The following SYT1 variants were observed in gnomAD, a reference collection of about 807,000 sequenced individuals.
SYT1 encodes synaptotagmin 1.
A neutral mutation model predicts 44.8 loss-of-function variants in SYT1; 8 were observed. That is an observed-to-expected ratio of 0.18 (90% confidence interval 0.10 to 0.32). SYT1 has a LOEUF of 0.32. SYT1 is among the 10% of genes least tolerant of loss of function. The probability of loss-of-function intolerance (pLI) is 1.00; values close to 1 mark genes in which losing one functional copy is unlikely to be tolerated. For missense variants in SYT1, 286 were observed against 509.3 expected, an observed-to-expected ratio of 0.56 and a Z score of 4.22; for synonymous variants, 154 against 188.8, an observed-to-expected ratio of 0.82 and a Z score of 1.51.
rs765758260 is a variant in SYT1 at position 79,285,955 on chromosome 12, A to G, written c.335A>G (p.Lys112Arg). 1.2e-6 allele frequency: 2 copies of G among 1,606,184 alleles called. No individual in the cohort carries two copies. Among genetic ancestry groups the G allele is most frequent in the Non-Finnish European group, 1.7e-6 (2 of 1,178,488 alleles). The change falls in exon 5 of 11, where the codon AAG (lysine) becomes AGG (arginine). Residue 112 changes from lysine to arginine, a missense_variant. Around this residue, in one of 6 missense-constraint regions of SYT1, gnomAD observed 141 missense variants for 165.7 expected, o/e 0.85. Coordinates refer to ENST00000261205, the MANE Select transcript of SYT1 (RefSeq NM_005639.3). Reference sequence around the variant, plus strand: ...ATGAAAGATGTAAAAGACTTAGGGAAGACGATGAAAGATCAGGTAATGTAT... The same window carrying G: ...ATGAAAGATGTAAAAGACTTAGGGAGGACGATGAAAGATCAGGTAATGTAT... ...INMKDVKDLG[K>R]TMKDQALKDD... is the part of the protein sequence containing the mutation.
chr12:79,378,257 G>A (rs1280938543), intron 9 of SYT1, among the ~76,000 whole-genome samples: 2 of 152,168 alleles, frequency 1.3e-5, no homozygotes, highest in African/African-American at 2.4e-5. Flanking sequence ...CCAGTTTACA[G>A]ATGTGTGCCT....
intron 3 of SYT1, among the ~76,000 whole-genome samples, chr12:79,211,560 A>G (rs1565857472): frequency 6.6e-6 from 1 of 151,498 alleles, no homozygotes; most frequent in Non-Finnish European, 1.5e-5. Flanking sequence ...ATCTAGCATT[A>G]GGTATATCTC....
chr12:78,928,377 C>A (rs1236259334), intron 1 of SYT1, among the ~76,000 whole-genome samples: 1 of 152,160 alleles, frequency 6.6e-6, no homozygotes, highest in Non-Finnish European at 1.5e-5. Flanking sequence ...AGTATGACAG[C>A]AAAGCTTGCA....
At chr12:79,344,521 C>T (rs1184235507) in intron 8 of SYT1, among the ~76,000 whole-genome samples, 2 of 152,164 alleles carry the variant, frequency 1.3e-5, no homozygotes, top group East Asian at 1.9e-4. Context: ...GGCACGATCT[C>T]TGCCCACTGC....
chr12:79,416,425 T>C (rs1345849876), intron 9 of SYT1, among the ~76,000 whole-genome samples: 3 of 152,188 alleles, frequency 2.0e-5, no homozygotes, highest in African/African-American at 4.8e-5. Context: ...CTTATTGGCA[T>C]TAACATTTTG....
chr12:79,401,639 GATA>G lies in SYT1; in HGVS notation c.929-42428_929-42426del, dbSNP rs762524733. Among the ~76,000 whole-genome samples the G allele has an allele frequency of 6.0e-4, 90 of 151,062 alleles. 1 individual carries two copies. Among genetic ancestry groups the G allele is most frequent in the African/African-American group, 1.9e-3 (80 of 41,206 alleles). Reference sequence around the variant, plus strand: ...TACCACATGGAAGAATGATATTAAAGATAATAATTAAAACTCAACAAAACTCAA... The same window carrying G: ...TACCACATGGAAGAATGATATTAAAGATAATTAAAACTCAACAAAACTCAA... On this transcript the variant is annotated intron_variant, in intron 9 of 10. Coordinates refer to ENST00000261205, the MANE Select transcript of SYT1 (RefSeq NM_005639.3).
intron 3 of SYT1, among the ~76,000 whole-genome samples, chr12:79,215,325 T>C (rs1874717155): frequency 6.6e-6 from 1 of 152,150 alleles, no homozygotes. Context: ...AATTGAACAA[T>C]GGAGCAATGG....
At chr12:79,088,546 G>C (rs924795782) in intron 3 of SYT1, among the ~76,000 whole-genome samples, 1 of 151,820 alleles carries the variant, frequency 6.6e-6, no homozygotes. Flanking sequence ...AGACTTGCTG[G>C]AGGAGGGAAA....
At position 78,993,159 on chromosome 12, in the gene SYT1, T is replaced by C. The variant is rs532051370; in HGVS notation, c.-84+15228T>C. Among the ~76,000 whole-genome samples, 12 of 152,298 alleles carry C rather than the reference T, an allele frequency of 7.9e-5. No homozygotes were observed. In the East Asian group the frequency reaches 9.7e-4, roughly 12 times the overall value. On this transcript the variant is annotated intron_variant, in intron 2 of 10. Coordinates refer to ENST00000261205, the MANE Select transcript of SYT1 (RefSeq NM_005639.3). ...TTTATCTGTTTTATAAAACAGAATA[T>C]GAAACTGTCAGGCCTAAATTATCCT...
At chr12:78,994,534 AT>A (rs1158976321) in intron 2 of SYT1, among the ~76,000 whole-genome samples, 3,702 of 55,578 alleles carry the variant, frequency 0.067, 80 homozygotes, top group African/African-American at 0.23. Flanking sequence ...TGTTCTGAGG[AT>A]TTTTTTTTTT....
chr12:79,385,828 G>A (rs1884414952), intron 9 of SYT1, among the ~76,000 whole-genome samples: 1 of 152,128 alleles, frequency 6.6e-6, no homozygotes, highest in Non-Finnish European at 1.5e-5. Context: ...TGCCACTGGT[G>A]TCTTAGGTGA....
intron 8 of SYT1, among the ~76,000 whole-genome samples, chr12:79,331,892 A>G (rs1332749827): frequency 1.3e-5 from 2 of 152,174 alleles, no homozygotes; most frequent in African/African-American, 4.8e-5. Flanking sequence ...CAATGTATGG[A>G]TCATTTTTCT....
chr12:78,954,267 T>C (rs76693267), intron 1 of SYT1, among the ~76,000 whole-genome samples: 1,553 of 152,256 alleles, frequency 0.01, 28 homozygotes, highest in African/African-American at 0.034. Context: ...GAAGTCACCT[T>C]GACCATGAAA....
intron 3 of SYT1, among the ~76,000 whole-genome samples, chr12:79,168,095 C>T (rs1485684105): frequency 6.6e-6 from 1 of 152,038 alleles, no homozygotes; most frequent in African/African-American, 2.4e-5. Context: ...GGTACCCATC[C>T]CTGGCAGGAG....
chr12:79,304,164 T>C (rs755401196), intron 8 of SYT1, among the ~76,000 whole-genome samples: 3 of 152,204 alleles, frequency 2.0e-5, no homozygotes, highest in Non-Finnish European at 4.4e-5. Context: ...GCAGCAACCA[T>C]GTCTATGGTT....
At chr12:78,964,861 A>G (rs1425858188) in intron 1 of SYT1, among the ~76,000 whole-genome samples, 1 of 152,170 alleles carries the variant, frequency 6.6e-6, no homozygotes, top group Non-Finnish European at 1.5e-5. Flanking sequence ...AGAAAGAAAG[A>G]TACAACCTCT....
intron 3 of SYT1, among the ~76,000 whole-genome samples, chr12:79,101,869 G>A (rs1341382354): frequency 1.3e-5 from 2 of 152,060 alleles, no homozygotes; most frequent in African/African-American, 4.8e-5. Flanking sequence ...TCATGCCACT[G>A]CATTCCAGCC....
rs571943661 is a variant in SYT1 at position 79,340,852 on chromosome 12, A to C, written c.811-12650A>C. Among the ~76,000 whole-genome samples, 11 of 152,308 alleles carry C rather than the reference A, an allele frequency of 7.2e-5. No individual in the cohort carries two copies. The East Asian group carries it at 2.1e-3, about 29-fold the overall frequency. ...ACACTATAGCATAAAGAATCTTTTGACAAGGACACTTTTGGAATTCACTTT... is the reference window on the plus strand; with the variant it reads ...ACACTATAGCATAAAGAATCTTTTGCCAAGGACACTTTTGGAATTCACTTT... On this transcript the variant is annotated intron_variant, in intron 8 of 10. Coordinates refer to ENST00000261205, the MANE Select transcript of SYT1 (RefSeq NM_005639.3).
chr12:79,318,456 A>G (rs767286506), intron 8 of SYT1, among the ~76,000 whole-genome samples: 4 of 152,216 alleles, frequency 2.6e-5, no homozygotes, highest in Non-Finnish European at 5.9e-5. Context: ...AACTATAACT[A>G]TGTTATATGC....
Sources: allele counts gnomAD v4.1 joint callset (sites outside exome capture counted in the v4.1 genomes callset), GRCh38; gene constraint gnomAD v4.1.1; regional missense constraint gnomAD v4.1.1; transcripts MANE v1.5; gene names NCBI Gene and HGNC (gene_info 2026-07-23, HGNC 2026-07-21).